Variants in PDCD10 observed in about 807,000 individuals in gnomAD.
PDCD10 encodes the protein programmed cell death 10.
In PDCD10, 4 loss-of-function variants were observed where a neutral mutation model predicts 29.2. That is an observed-to-expected ratio of 0.14 (90% CI 0.07 to 0.31). The LOEUF is 0.31. Among genes scored for constraint, PDCD10 ranks in the 10% least tolerant of loss-of-function variants. PDCD10 has a pLI of 1.00. For missense variants in PDCD10, 183 were observed against 257.9 expected, an observed-to-expected ratio of 0.71 and a Z score of 1.99; for synonymous variants, 70 against 82.2, an observed-to-expected ratio of 0.85 and a Z score of 0.80.
At position 167,729,787 on chromosome 3, in the gene PDCD10, A is replaced by G. The variant is rs79824166; in HGVS notation, c.-117+4427T>C. 7.9e-3 allele frequency among the ~76,000 whole-genome samples: 1,206 copies of G among 152,310 alleles called. 88 individuals are homozygous for G. The East Asian group carries it at 0.17, about 22-fold the overall frequency. The stretch of plus-strand genomic sequence containing the variant: ...AATGAATCAAAAAGTCATTATTTAG[A>G]CTAACCTCTGGTAAACTTATTCCCA... On this transcript the variant is annotated intron_variant, in intron 2 of 8. Transcript: ENST00000392750.
intron 4 of PDCD10, chr3:167,704,598 A>G: frequency 2.4e-6 from 1 of 418,236 alleles, no homozygotes. Context: ...ACAGCTAAGG[A>G]GAGAACACTC....
At chr3:167,696,361 T>C (rs1173738507) in intron 5 of PDCD10, among the ~76,000 whole-genome samples, 5 of 152,138 alleles carry the variant, frequency 3.3e-5, no homozygotes, top group Non-Finnish European at 2.9e-5. Context: ...CATCAATATA[T>C]TATGGCCTAA....
At chr3:167,693,606 T>A (rs1720488866) in intron 6 of PDCD10, among the ~76,000 whole-genome samples, 1 of 152,122 alleles carries the variant, frequency 6.6e-6, no homozygotes, top group African/African-American at 2.4e-5. Flanking sequence ...AAGGAGTGGT[T>A]TGCCCAAGGA....
chr3:167,694,911 T>A (rs1028661761), intron 6 of PDCD10, among the ~76,000 whole-genome samples: 3 of 152,254 alleles, frequency 2.0e-5, no homozygotes, highest in African/African-American at 7.2e-5. Flanking sequence ...ATAGTGACAC[T>A]GCAAGTATTC....
intron 6 of PDCD10, among the ~76,000 whole-genome samples, chr3:167,690,546 A>G (rs1439104560): frequency 6.6e-6 from 1 of 152,234 alleles, no homozygotes; most frequent in African/African-American, 2.4e-5. Context: ...CTAGTTTTCC[A>G]TTAGTTGAGA....
chr3:167,689,135 AT>A (rs543554273), intron 6 of PDCD10, among the ~76,000 whole-genome samples: 224 of 151,352 alleles, frequency 1.5e-3, no homozygotes, highest in Non-Finnish European at 2.5e-3. Context: ...ATGTTATCTA[AT>A]TTTTTTTTGC....
At chr3:167,690,271 G>C (rs1720081670) in intron 6 of PDCD10, among the ~76,000 whole-genome samples, 1 of 152,174 alleles carries the variant, frequency 6.6e-6, no homozygotes, top group Non-Finnish European at 1.5e-5. Context: ...CAATAGAAAA[G>C]TAGAGTTTCT....
In PDCD10 at chr3:167,704,854, G is replaced by A. The variant is rs369848466; in HGVS notation, c.138C>T (p.Ala46=). 29 of 1,604,574 alleles carry A rather than the reference G, an allele frequency of 1.8e-5. No homozygotes were observed. Among genetic ancestry groups the A allele is most frequent in the Middle Eastern group, 3.3e-4 (2 of 6,030 alleles). The change falls in exon 4 of 9, where the codon GCC becomes GCT. Residue 46 remains alanine (A), a synonymous_variant. Coordinates refer to ENST00000392750, the MANE Select transcript of PDCD10 (RefSeq NM_007217.4). ...VNLSAAQTLR[A]AFIKAEKENP... is the part of the protein sequence containing the mutation. Reference sequence around the variant, plus strand: ...ATTTGCACCTCACCTTGATGAAAGCGGCTCTCAGTGTCTGGGCTGCAGACA... The same window carrying A: ...ATTTGCACCTCACCTTGATGAAAGCAGCTCTCAGTGTCTGGGCTGCAGACA...
intron 6 of PDCD10, among the ~76,000 whole-genome samples, chr3:167,690,382 C>A (rs1720095739): frequency 6.7e-6 from 1 of 149,356 alleles, no homozygotes; most frequent in Non-Finnish European, 1.5e-5. Context: ...CTGGAAAACT[C>A]TGAAAAAATC....
intron 3 of PDCD10, among the ~76,000 whole-genome samples, chr3:167,717,903 C>T (rs1723177232): frequency 1.3e-5 from 2 of 152,056 alleles, no homozygotes; most frequent in Non-Finnish European, 2.9e-5. Flanking sequence ...AGAACAAAAA[C>T]CTTTTCTAAT....
At chr3:167,723,154 T>C (rs1723757116) in intron 2 of PDCD10, among the ~76,000 whole-genome samples, 1 of 152,226 alleles carries the variant, frequency 6.6e-6, no homozygotes, top group Admixed American at 6.5e-5. Flanking sequence ...CCAATACGGC[T>C]TTTAAAATAT....
At chr3:167,731,175 A>G (rs1203454441) in intron 2 of PDCD10, among the ~76,000 whole-genome samples, 1 of 152,150 alleles carries the variant, frequency 6.6e-6, no homozygotes, top group Non-Finnish European at 1.5e-5. Flanking sequence ...TAATACTACT[A>G]CCTAGAGGAA....
intron 2 of PDCD10, among the ~76,000 whole-genome samples, chr3:167,732,394 A>T (rs1253047376): frequency 6.6e-6 from 1 of 152,236 alleles, no homozygotes; most frequent in Non-Finnish European, 1.5e-5. Flanking sequence ...CCAAAAGCTG[A>T]CATAAGGCTC....
rs1298021937 is a variant in PDCD10, at chr3:167,734,882, C to G, written c.-474G>C. 1 of 153,252 alleles carries G rather than the reference C, an allele frequency of 6.5e-6. No homozygotes were observed. Among genetic ancestry groups the G allele is most frequent in the Non-Finnish European group, 1.5e-5 (1 of 68,528 alleles). The allele number at this position is 153,252 out of a possible 1,614,324, so 9.5% of individuals were successfully genotyped here. ...CCGGATCAATTCACTCCGGCGACGC[C>G]GGAAGGACCCAAGAGGAACCAGGCG... On this transcript the variant is annotated 5_prime_UTR_variant, in exon 1 of 9. Transcript: ENST00000392750.
At chr3:167,719,986 G>T (rs1723412912) in intron 3 of PDCD10, 76 bp downstream of exon 3, 2 of 998,372 alleles carry the variant, frequency 2.0e-6, no homozygotes, top group African/African-American at 1.6e-5. Flanking sequence ...TTATACAAAA[G>T]AACAAGCAGA....
intron 3 of PDCD10, among the ~76,000 whole-genome samples, chr3:167,719,012 G>A (rs1723302039): frequency 6.6e-6 from 1 of 152,052 alleles, no homozygotes; most frequent in African/African-American, 2.4e-5. Context: ...AACTAAATCT[G>A]TGGCTTTCAT....
intron 3 of PDCD10, among the ~76,000 whole-genome samples, chr3:167,705,938 C>G (rs1015473772): frequency 3.3e-5 from 5 of 152,088 alleles, no homozygotes; most frequent in Non-Finnish European, 7.4e-5. Context: ...TCAAGAAAGG[C>G]AGGGACAGAT....
At chr3:167,732,576 G>C (rs1386240336) in intron 2 of PDCD10, among the ~76,000 whole-genome samples, 1 of 152,102 alleles carries the variant, frequency 6.6e-6, no homozygotes, top group Admixed American at 6.5e-5. Flanking sequence ...TCCACCATCC[G>C]AATAGAAGAA....
chr3:167,684,323 G>T lies in PDCD10; in HGVS notation c.624C>A (p.Phe208Leu). ...IHQTNLILQT[F>L]KTVA ...TATACAACTTTCAGGCCACAGTTTT[G>T]AAGGTCTGAAGTATTAAGTTGGTTT... Residue 208 changes from phenylalanine (F) to leucine (L), a missense_variant, in exon 9 of 9, where the codon TTC (phenylalanine) becomes TTA (leucine). Physicochemically the swap from Phe to Leu is conservative, Grantham distance 22 (BLOSUM62 0). Transcript: ENST00000392750. 6.3e-7 allele frequency: 1 copy of T among 1,591,126 alleles called. No individual in the cohort carries two copies. The highest frequency in any genetic ancestry group is 8.6e-7 in the Non-Finnish European group (1 of 1,159,376).
Sources: gnomAD v4.1 joint callset for allele counts (sites outside exome capture counted in the v4.1 genomes callset) on GRCh38, gnomAD v4.1.1 for gene constraint, MANE v1.5 for transcripts, NCBI Gene and HGNC (gene_info 2026-07-23, HGNC 2026-07-21) for gene names.